The following CRLF3 variants were observed in gnomAD, a reference collection of about 807,000 sequenced individuals.
CRLF3 encodes cytokine receptor-like factor 3.
A neutral mutation model predicts 55.0 loss-of-function variants in CRLF3; 33 were observed. That is an observed-to-expected ratio of 0.60 (90% CI 0.46 to 0.80). The LOEUF (loss-of-function observed/expected upper bound fraction) is 0.80, where lower values mean the gene tolerates loss of function less well. Ranked by LOEUF, CRLF3 falls within the 30% of genes least tolerant of loss-of-function variation. CRLF3 has a pLI of 0.00. For missense variants in CRLF3, 494 were observed against 538.4 expected (o/e 0.92, Z 0.82); for synonymous variants, 238 against 196.8 (o/e 1.21, Z -1.75).
intron 6 of CRLF3, among the ~76,000 whole-genome samples, chr17:30,791,245 A>G (rs1971793648): frequency 6.6e-6 from 1 of 151,310 alleles, no homozygotes; most frequent in Non-Finnish European, 1.5e-5. Flanking sequence ...TAATTTTTGT[A>G]TTTTTAGTAA....
chr17:30,807,869 G>A (rs1311171212), intron 1 of CRLF3, among the ~76,000 whole-genome samples: 1 of 151,990 alleles, frequency 6.6e-6, no homozygotes, highest in East Asian at 1.9e-4. Context: ...TATTTATGCA[G>A]TTAGTAAAAT....
chr17:30,823,376 A>ATT (rs966913637), intron 1 of CRLF3, among the ~76,000 whole-genome samples: 1 of 151,766 alleles, frequency 6.6e-6, no homozygotes, highest in African/African-American at 2.4e-5. Flanking sequence ...AAAAAAACAG[A>ATT]TTATATATAT....
At chr17:30,784,510 G>A in intron 7 of CRLF3, 67 bp from the exon 8 acceptor site, 1 of 1,353,750 alleles carries the variant, frequency 7.4e-7, no homozygotes, top group East Asian at 2.3e-5. Flanking sequence ...ATAGTTTCTA[G>A]ATTACTGGTA....
At chr17:30,794,872 C>T (rs1971885828) in intron 4 of CRLF3, among the ~76,000 whole-genome samples, 1 of 152,106 alleles carries the variant, frequency 6.6e-6, no homozygotes, top group Non-Finnish European at 1.5e-5. Context: ...AATTATTGGT[C>T]AAGATATGGA....
intron 1 of CRLF3, among the ~76,000 whole-genome samples, chr17:30,822,635 T>C (rs1290887751): frequency 1.3e-5 from 2 of 151,746 alleles, no homozygotes; most frequent in African/African-American, 4.8e-5. Flanking sequence ...GGATATAAAA[T>C]TGAAAAAATA....
At chr17:30,788,325 C>CAAAAAAAAA (rs780693808) in intron 6 of CRLF3, among the ~76,000 whole-genome samples, 2 of 118,466 alleles carry the variant, frequency 1.7e-5, no homozygotes, top group African/African-American at 3.0e-5. Flanking sequence ...GACTTTGTCT[C>CAAAAAAAAA]AAAAAAAAAA....
chr17:30,802,071 A>ATC (rs752214048), intron 2 of CRLF3, among the ~76,000 whole-genome samples: 1 of 151,924 alleles, frequency 6.6e-6, no homozygotes, highest in East Asian at 1.9e-4. Context: ...CTTAGCATGT[A>ATC]TCTCTCTCTC....
intron 4 of CRLF3, among the ~76,000 whole-genome samples, chr17:30,794,887 C>T (rs535283502): frequency 6.6e-6 from 1 of 152,154 alleles, no homozygotes; most frequent in African/African-American, 2.4e-5. Flanking sequence ...TATGGAATAA[C>T]AGAAACTCAT....
At chr17:30,819,181 C>G (rs1904912065) in intron 1 of CRLF3, among the ~76,000 whole-genome samples, 1 of 152,128 alleles carries the variant, frequency 6.6e-6, no homozygotes, top group Non-Finnish European at 1.5e-5. Flanking sequence ...CAGAGACTTG[C>G]TTTTGTCAGT....
intron 7 of CRLF3, 28 bp downstream of exon 7, chr17:30,785,891 A>G (rs1398773337): frequency 8.6e-7 from 1 of 1,163,800 alleles, no homozygotes; most frequent in East Asian, 2.3e-5. Flanking sequence ...ATATATTTCC[A>G]AGAGAATGAC....
intron 4 of CRLF3, among the ~76,000 whole-genome samples, chr17:30,793,886 T>C (rs1268180243): frequency 1.3e-5 from 2 of 152,056 alleles, no homozygotes; most frequent in Non-Finnish European, 2.9e-5. Context: ...TCACCCAGGC[T>C]GTAGTGCAGT....
chr17:30,795,723 G>A (rs1224612683), intron 4 of CRLF3, among the ~76,000 whole-genome samples: 1 of 152,028 alleles, frequency 6.6e-6, no homozygotes, highest in Non-Finnish European at 1.5e-5. Context: ...GTCACCTGAG[G>A]TCAGGAGTTC....
intron 6 of CRLF3, among the ~76,000 whole-genome samples, chr17:30,791,794 G>A (rs1246065607): frequency 6.6e-6 from 1 of 151,972 alleles, no homozygotes; most frequent in African/African-American, 2.4e-5. Flanking sequence ...GGGATTACAA[G>A]TGTGAGCCAC....
intron 3 of CRLF3, among the ~76,000 whole-genome samples, chr17:30,796,751 T>C (rs1196836390): frequency 2.1e-5 from 3 of 145,420 alleles, no homozygotes; most frequent in Non-Finnish European, 4.5e-5. Context: ...TCAGACAGAG[T>C]CTCACTCTGT....
At chr17:30,792,714 C>T (rs1971832154) in intron 5 of CRLF3, 142 bp from the exon 6 acceptor site, 2 of 660,504 alleles carry the variant, frequency 3.0e-6, no homozygotes, top group Admixed American at 2.6e-5. Flanking sequence ...ATTCCATTAA[C>T]AGGGTATCAT....
At chr17:30,797,696 C>G (rs1971940276) in intron 2 of CRLF3, among the ~76,000 whole-genome samples, 1 of 152,020 alleles carries the variant, frequency 6.6e-6, no homozygotes, top group African/African-American at 2.4e-5. Flanking sequence ...TTCTTTCCAT[C>G]TCTCCTACAG....
intron 1 of CRLF3, among the ~76,000 whole-genome samples, chr17:30,815,268 T>C (rs1311345418): frequency 5.3e-5 from 8 of 151,662 alleles, no homozygotes; most frequent in Admixed American, 3.3e-4. Context: ...GAATTTTTAG[T>C]AGAGATGGGG....
intron 7 of CRLF3, 187 bp from the exon 8 acceptor site, chr17:30,784,630 C>T (rs1198163900): frequency 3.8e-6 from 2 of 525,282 alleles, no homozygotes; most frequent in Non-Finnish European, 6.7e-6. Flanking sequence ...TATGAGTTTC[C>T]CATATCAGTG....
chr17:30,792,567 T>C lies in CRLF3; in HGVS notation c.832A>G (p.Thr278Ala), dbSNP rs141016620. 4 of 1,594,704 alleles carry C rather than the reference T, an allele frequency of 2.5e-6. No individual in the cohort carries two copies. The highest frequency in any genetic ancestry group is 2.3e-5 in the East Asian group (1 of 44,362). Reference sequence around the variant, plus strand: ...AGACTGTACCCCTCAAAACCAGCTGTCCACTCTTTTTCAAAGCAAAGATAT... The same window carrying C: ...AGACTGTACCCCTCAAAACCAGCTGCCCACTCTTTTTCAAAGCAAAGATAT... ...GHSTLVPHEW[T>A]AGFEGYSLSS... Residue 278 changes from threonine to alanine, a missense_variant, in exon 6 of 8, where the codon ACA becomes GCA. Coordinates refer to ENST00000324238, the MANE Select transcript of CRLF3 (RefSeq NM_015986.4).
Sources: allele counts gnomAD v4.1 joint callset (sites outside exome capture counted in the v4.1 genomes callset), GRCh38; gene constraint gnomAD v4.1.1; transcripts MANE v1.5; gene names NCBI Gene and HGNC (gene_info 2026-07-23, HGNC 2026-07-21).